Variants in EBP observed in about 807,000 individuals in gnomAD.
EBP encodes the protein 3-beta-hydroxysteroid-Delta(8),Delta(7)-isomerase.
In EBP, 1 loss-of-function variant was observed where a neutral mutation model predicts 14.1. That is an observed-to-expected ratio of 0.07 (90% confidence interval 0.03 to 0.34). The LOEUF (loss-of-function observed/expected upper bound fraction) is 0.34. Ranked by LOEUF, EBP falls within the 10% of genes least tolerant of loss-of-function variation. EBP has a pLI of 0.99. For synonymous variants in EBP, 72 were observed against 77.7 expected, an observed-to-expected ratio of 0.93 and a Z score of 0.38; for missense variants, 123 against 184.6, an observed-to-expected ratio of 0.67 and a Z score of 1.93.
chrX:48,527,599 T>C (rs2147156725), intron 4 of EBP: 2 of 322,338 alleles, frequency 6.2e-6, no homozygotes, highest in Non-Finnish European at 1.1e-5. Flanking sequence ...GATCCCTTCA[T>C]GTAAGATTCT....
At chrX:48,526,901 C>CT (rs1556977524) in intron 2 of EBP, 88 bp from the exon 3 acceptor site, 2 of 1,062,036 alleles carry the variant, frequency 1.9e-6, no homozygotes. Context: ...GTTATGAAGT[C>CT]TGTCTTCTTG....
chrX:48,527,357 C>A (rs1379496905), intron 4 of EBP, 72 bp downstream of exon 4: 21 of 1,195,165 alleles, frequency 1.8e-5, no homozygotes, highest in Non-Finnish European at 2.4e-5. Flanking sequence ...ACAGATGTAT[C>A]CCTGTGGGTG....
intron 2 of EBP, 51 bp from the exon 3 acceptor site, chrX:48,526,938 G>A (rs1219122896): frequency 8.4e-7 from 1 of 1,192,099 alleles, no homozygotes; most frequent in Non-Finnish European, 1.1e-6. Context: ...TCACAAGTGT[G>A]TGTTCCTTTC....
Position 48,523,745 on chromosome X carries a change from C to T in EBP, c.-27C>T. On this transcript the variant is annotated 5_prime_UTR_variant, in exon 2 of 5. Transcript: ENST00000495186. ...TTTTTTTTTTAACTTCCTGCCTATA[C>T]ACACGCAGCCATCAGCCCACAAAGA... The T allele has an allele frequency of 1.9e-6, 2 of 1,075,299 alleles. No individual in the cohort carries two copies. The highest frequency in any genetic ancestry group is 2.5e-6 in the Non-Finnish European group (2 of 796,893). The allele number at this position is 1,075,299 out of a possible 1,213,427, so 88.6% of individuals were successfully genotyped here. A position where few individuals can be genotyped will look rare whatever the true frequency, so the allele number is the denominator to read the frequency against.
intron 2 of EBP, among the ~76,000 whole-genome samples, chrX:48,525,851 C>T (rs782745221): frequency 1.8e-5 from 2 of 109,349 alleles, no homozygotes; most frequent in South Asian, 7.8e-4. Flanking sequence ...CTTTGTGAGG[C>T]GAAGGCGGGC....
At chrX:48,526,784 CTG>C in intron 2 of EBP, 1 of 474,039 alleles carries the variant, frequency 2.1e-6, no homozygotes, top group Non-Finnish European at 3.7e-6. Flanking sequence ...CACAGCCACA[CTG>C]TTTTGTGTCA....
At chrX:48,522,430 TGGTCGTGA>T (rs1424513451) in intron 1 of EBP, among the ~76,000 whole-genome samples, 1 of 111,596 alleles carries the variant, frequency 9.0e-6, no homozygotes, top group Non-Finnish European at 1.9e-5. Context: ...CTGGGTTTGG[TGGTCGTGA>T]GCAGTTTGTG....
chrX:48,528,437 G>A lies in EBP; in HGVS notation c.673G>A (p.Ala225Thr). The A allele has an allele frequency of 2.6e-6, 3 of 1,169,029 alleles. No individual in the cohort carries two copies. Among genetic ancestry groups the A allele is most frequent in the Non-Finnish European group, 3.4e-6 (3 of 873,802 alleles). Residue 225 changes from alanine to threonine, a missense_variant, in exon 5 of 5, where the codon GCC (alanine) becomes ACC (threonine). Transcript: ENST00000495186. ...QSTLDAKATK[A>T]KSKKN Reference sequence around the variant, plus strand: ...CACGCTGGATGCCAAGGCCACAAAAGCCAAGAGCAAGAAGAACTGAGGAGT... The same window carrying A: ...CACGCTGGATGCCAAGGCCACAAAAACCAAGAGCAAGAAGAACTGAGGAGT...
intron 2 of EBP, among the ~76,000 whole-genome samples, chrX:48,525,809 G>A (rs1411318144): frequency 3.6e-5 from 4 of 110,200 alleles, no homozygotes; most frequent in African/African-American, 1.3e-4. Context: ...AAACAAGGCC[G>A]GGCAGAGTGG....
In EBP at chrX:48,528,373, T is replaced by C; in HGVS notation, c.609T>C (p.Leu203=). Residue 203 remains leucine (L), a synonymous_variant, in exon 5 of 5, where the codon CTT becomes CTC. Transcript: ENST00000495186. ...NALWLVLPGV[L]VLDAVKHLTH... is the part of the protein sequence containing the mutation. ...TGTGGCTGGTGCTGCCTGGAGTCCT[T>C]GTGCTTGATGCTGTGAAGCACCTCA... 8.4e-7 allele frequency: 1 copy of C among 1,193,999 alleles called. No homozygotes were observed. The highest frequency in any genetic ancestry group is 1.1e-6 in the Non-Finnish European group (1 of 885,839).
chrX:48,522,410 G>A lies in EBP; in HGVS notation c.-74+503G>A, dbSNP rs782540156. On this transcript the variant is annotated intron_variant, in intron 1 of 4. Transcript: ENST00000495186. The stretch of plus-strand genomic sequence containing the variant: ...TGTCTCTTACCAAACCGTGACCCCG[G>A]AGCACAGGACTGGGTTTGGTGGTCG... Among the ~76,000 whole-genome samples the A allele has an allele frequency of 3.0e-4, 33 of 111,848 alleles. No homozygotes were observed. In the South Asian group the frequency reaches 3.4e-3, roughly 11 times the overall value.
chrX:48,527,976 A>C (rs1251295836), intron 4 of EBP, among the ~76,000 whole-genome samples: 1 of 111,776 alleles, frequency 8.9e-6, no homozygotes, highest in Non-Finnish European at 1.9e-5. Flanking sequence ...TTAGTCCCAG[A>C]ATCCTAAGCT....
chrX:48,526,917 A>AC (rs1290858620), intron 2 of EBP, 72 bp from the exon 3 acceptor site: 1 of 1,135,085 alleles, frequency 8.8e-7, no homozygotes, highest in African/African-American at 1.8e-5. Flanking sequence ...TCTTGCAGGG[A>AC]CCCCCAGCTC....
intron 1 of EBP, among the ~76,000 whole-genome samples, chrX:48,523,164 C>G (rs1168619449): frequency 6.3e-5 from 7 of 111,646 alleles, no homozygotes; most frequent in Non-Finnish European, 1.3e-4. Context: ...TTGCCCAGGC[C>G]GGACTTGAAT....
chrX:48,527,072 G>A (rs2061781436), intron 3 of EBP, 47 bp downstream of exon 3: 1 of 1,211,089 alleles, frequency 8.3e-7, no homozygotes, highest in East Asian at 3.0e-5. Context: ...GTTTTCGGGG[G>A]GTGGTGAGTT....
chrX:48,527,096 G>A (rs1010336123), intron 3 of EBP, 59 bp from the exon 4 acceptor site: 10 of 1,211,658 alleles, frequency 8.3e-6, no homozygotes, highest in South Asian at 7.0e-5. Flanking sequence ...GAGCACTAAT[G>A]GGCTAACCTG....
At chrX:48,526,674 A>G (rs1277114110) in intron 2 of EBP, among the ~76,000 whole-genome samples, 1 of 111,351 alleles carries the variant, frequency 9.0e-6, no homozygotes, top group African/African-American at 3.3e-5. Flanking sequence ...GTATTCACTC[A>G]TCTGTTCACC....
Position 48,526,975 on chromosome X carries a change from CTT to C in EBP, c.302-13_302-12del. On this transcript the variant is annotated splice_polypyrimidine_tract_variant and intron_variant, in intron 2 of 4. Coordinates refer to ENST00000495186, the MANE Select transcript of EBP (RefSeq NM_006579.3). ...CTGCCTTTATTCTTCATATCTCTCT[CTT>C]CTTTTCTTCAGGGAAAGAGTATGCC... 1 of 1,211,121 alleles carries C rather than the reference CTT, an allele frequency of 8.3e-7. No individual in the cohort carries two copies. The highest frequency in any genetic ancestry group is 3.0e-5 in the East Asian group (1 of 33,861).
intron 4 of EBP, 83 bp from the exon 5 acceptor site, chrX:48,528,151 T>G: frequency 2.4e-6 from 2 of 830,681 alleles, no homozygotes; most frequent in Non-Finnish European, 3.5e-6. Flanking sequence ...GAATGATGAC[T>G]TGGAAAGTGC....
Sources: allele counts gnomAD v4.1 joint callset (sites outside exome capture counted in the v4.1 genomes callset), GRCh38; gene constraint gnomAD v4.1.1; transcripts MANE v1.5; gene names NCBI Gene and HGNC (gene_info 2026-07-23, HGNC 2026-07-21).